ERBB4: variants seen among roughly 807,000 people sequenced by gnomAD.
The protein encoded by ERBB4 is receptor tyrosine-protein kinase erbB-4.
In ERBB4, 42 loss-of-function variants were observed where a neutral mutation model predicts 158.0. The observed-to-expected ratio is 0.27, with a 90% CI of 0.21 to 0.34. ERBB4 has a LOEUF of 0.34. Among genes scored for constraint, ERBB4 ranks in the 10% least tolerant of loss-of-function variants. The pLI, the probability that ERBB4 is intolerant of heterozygous loss-of-function variation, is 1.00. For missense variants in ERBB4, 1,333 were observed against 1,624.1 expected (o/e 0.82, Z 3.08); for synonymous variants, 583 against 558.7 (o/e 1.04, Z -0.61).
chr2:211,827,762 A>T (rs185436216), intron 3 of ERBB4, among the ~76,000 whole-genome samples: 1 of 152,094 alleles, frequency 6.6e-6, no homozygotes, highest in Admixed American at 6.6e-5. Context: ...GATGGCTATA[A>T]GACACATTCA....
At chr2:211,443,478 C>T (rs1436558369) in intron 20 of ERBB4, among the ~76,000 whole-genome samples, 1 of 152,070 alleles carries the variant, frequency 6.6e-6, no homozygotes, top group Non-Finnish European at 1.5e-5. Flanking sequence ...TGCACACTGA[C>T]AATGTGAAAT....
At chr2:211,579,547 C>T (rs2068003389) in intron 19 of ERBB4, among the ~76,000 whole-genome samples, 1 of 152,022 alleles carries the variant, frequency 6.6e-6, no homozygotes, top group African/African-American at 2.4e-5. Context: ...TGGAATCAAC[C>T]CAAATGCCTA....
chr2:211,552,798 T>C (rs934189664), intron 20 of ERBB4, among the ~76,000 whole-genome samples: 10 of 152,106 alleles, frequency 6.6e-5, no homozygotes, highest in African/African-American at 2.4e-4. Flanking sequence ...GAAACTAAAA[T>C]TTTTGCAGGA....
intron 19 of ERBB4, among the ~76,000 whole-genome samples, chr2:211,606,924 C>G (rs897678204): frequency 2.0e-5 from 3 of 152,088 alleles, no homozygotes; most frequent in African/African-American, 7.2e-5. Context: ...GTTCGCAAGT[C>G]TCCCAAAAAG....
chr2:212,012,743 T>C (rs908211990), intron 2 of ERBB4, among the ~76,000 whole-genome samples: 5 of 151,468 alleles, frequency 3.3e-5, no homozygotes, highest in African/African-American at 7.3e-5. Flanking sequence ...GTTGTTTTTA[T>C]TTTATTTTAT....
intron 20 of ERBB4, among the ~76,000 whole-genome samples, chr2:211,465,792 C>T (rs2064669426): frequency 6.6e-6 from 1 of 152,104 alleles, no homozygotes; most frequent in Non-Finnish European, 1.5e-5. Context: ...CTGTAACTTA[C>T]AGTAGTTACC....
intron 1 of ERBB4, among the ~76,000 whole-genome samples, chr2:212,525,648 TG>T (rs1302659967): frequency 6.1e-5 from 9 of 148,714 alleles, no homozygotes; most frequent in African/African-American, 2.1e-4. Context: ...GTTACACATC[TG>T]GTGAACATTT....
chr2:211,948,124 T>TA (rs2080754991), intron 2 of ERBB4, among the ~76,000 whole-genome samples: 1 of 152,084 alleles, frequency 6.6e-6, no homozygotes, highest in African/African-American at 2.4e-5. Flanking sequence ...AACACAAACA[T>TA]AAAAAACATG....
chr2:211,524,933 A>G (rs927228227), intron 20 of ERBB4, among the ~76,000 whole-genome samples: 1 of 152,156 alleles, frequency 6.6e-6, no homozygotes, highest in Non-Finnish European at 1.5e-5. Flanking sequence ...GCACGCTGCC[A>G]CCTCTGAACA....
chr2:212,150,863 A>C (rs2080844473), intron 1 of ERBB4, among the ~76,000 whole-genome samples: 1 of 152,156 alleles, frequency 6.6e-6, no homozygotes, highest in Non-Finnish European at 1.5e-5. Context: ...TATGGCACTA[A>C]ACTCTGTTCA....
At chr2:212,287,764 G>A (rs1420473444) in intron 1 of ERBB4, among the ~76,000 whole-genome samples, 1 of 152,172 alleles carries the variant, frequency 6.6e-6, no homozygotes, top group Admixed American at 6.5e-5. Flanking sequence ...GTCCTTTGCA[G>A]GGACATGGAT....
intron 1 of ERBB4, among the ~76,000 whole-genome samples, chr2:212,474,511 T>C (rs1689275671): frequency 6.6e-6 from 1 of 152,098 alleles, no homozygotes; most frequent in Non-Finnish European, 1.5e-5. Flanking sequence ...CAGAAACAAC[T>C]TGTCCCAAGC....
chr2:212,132,400 A>G (rs1404121806), intron 1 of ERBB4, among the ~76,000 whole-genome samples: 2 of 152,164 alleles, frequency 1.3e-5, no homozygotes, highest in Non-Finnish European at 2.9e-5. Flanking sequence ...GAGTGTATCC[A>G]TAAGGGCGTT....
chr2:211,975,369 G>T (rs925336789), intron 2 of ERBB4, among the ~76,000 whole-genome samples: 2 of 152,146 alleles, frequency 1.3e-5, no homozygotes, highest in African/African-American at 2.4e-5. Context: ...TGACCTGATT[G>T]ATTCAAAGGT....
At chr2:211,603,652 T>C (rs1346104879) in intron 19 of ERBB4, among the ~76,000 whole-genome samples, 1 of 152,200 alleles carries the variant, frequency 6.6e-6, no homozygotes, top group Admixed American at 6.5e-5. Flanking sequence ...CTTCACTCAA[T>C]GTACATGATA....
intron 1 of ERBB4, among the ~76,000 whole-genome samples, chr2:212,411,076 A>G (rs2091483764): frequency 6.6e-6 from 1 of 152,156 alleles, no homozygotes; most frequent in Admixed American, 6.6e-5. Context: ...GGCTTAAACT[A>G]TTTCATTGTA....
chr2:211,464,947 C>T (rs2064636702), intron 20 of ERBB4, among the ~76,000 whole-genome samples: 1 of 146,468 alleles, frequency 6.8e-6, no homozygotes, highest in African/African-American at 2.6e-5. Flanking sequence ...TAATAAGAGG[C>T]CCACTGGAGC....
chr2:212,425,386 A>G (rs1236341255), intron 1 of ERBB4, among the ~76,000 whole-genome samples: 2 of 148,848 alleles, frequency 1.3e-5, no homozygotes, highest in African/African-American at 2.4e-5. Flanking sequence ...ATATGAACAT[A>G]TATGTATATG....
In ERBB4 at chr2:211,381,444, A is replaced by ATGAG. The variant is rs1487024818; in HGVS notation, c.*2167_*2170dup. 4.3e-6 allele frequency: 1 copy of ATGAG among 231,860 alleles called. No individual in the cohort carries two copies. Among genetic ancestry groups the ATGAG allele is most frequent in the African/African-American group, 2.2e-5 (1 of 45,260 alleles). The allele number at this position is 231,860 out of a possible 1,614,324, so 14.4% of individuals were successfully genotyped here. On this transcript the variant is annotated 3_prime_UTR_variant, in exon 28 of 28. Coordinates refer to ENST00000342788, the MANE Select transcript of ERBB4 (RefSeq NM_005235.3). ...GAAGGATGTTTAACTTATATCCCAA[A>ATGAG]TGAGTTTAAAGGAGATATCTTACAG... is the stretch of plus-strand genomic sequence containing the variant.
Sources: gnomAD v4.1 joint callset for allele counts (sites outside exome capture counted in the v4.1 genomes callset) on GRCh38, gnomAD v4.1.1 for gene constraint, MANE v1.5 for transcripts, NCBI Gene and HGNC (gene_info 2026-07-23, HGNC 2026-07-21) for gene names.